The following BTRC variants were observed in gnomAD, a reference collection of about 807,000 sequenced individuals.
The protein encoded by BTRC is F-box/WD repeat-containing protein 1A.
A neutral mutation model predicts 85.5 loss-of-function variants in BTRC; 42 were observed. That is an observed-to-expected ratio of 0.49 (90% confidence interval 0.38 to 0.64). The LOEUF is 0.64. Ranked by LOEUF, BTRC falls within the 30% of genes least tolerant of loss-of-function variation. BTRC has a pLI of 0.00. For synonymous variants in BTRC, 255 were observed against 263.3 expected (o/e 0.97, Z 0.30); for missense variants, 594 against 743.5 (o/e 0.80, Z 2.34).
chr10:101,504,143 T>C (rs533594886), intron 4 of BTRC, among the ~76,000 whole-genome samples: 1 of 152,302 alleles, frequency 6.6e-6, no homozygotes, highest in Admixed American at 6.5e-5. Flanking sequence ...AATCTTAACA[T>C]AATTTGACAT....
At chr10:101,465,409 G>A (rs1945347811) in intron 3 of BTRC, among the ~76,000 whole-genome samples, 1 of 152,120 alleles carries the variant, frequency 6.6e-6, no homozygotes, top group Non-Finnish European at 1.5e-5. Flanking sequence ...TTAAATATTG[G>A]AGGAGCAAAC....
intron 4 of BTRC, among the ~76,000 whole-genome samples, chr10:101,483,592 CA>C (rs34105451): frequency 1.4e-5 from 2 of 144,484 alleles, no homozygotes; most frequent in Admixed American, 6.9e-5. Flanking sequence ...GACTCAGTCT[CA>C]AAAAAAAAAC....
chr10:101,468,458 T>C (rs917960868), intron 3 of BTRC, among the ~76,000 whole-genome samples: 1 of 152,120 alleles, frequency 6.6e-6, no homozygotes, highest in Non-Finnish European at 1.5e-5. Flanking sequence ...AAAAAAAATC[T>C]GCCCTAAAAA....
intron 1 of BTRC, among the ~76,000 whole-genome samples, chr10:101,385,564 C>G (rs928828721): frequency 5.3e-5 from 6 of 114,084 alleles, no homozygotes; most frequent in Non-Finnish European, 1.1e-4. Context: ...TAATTCAAGG[C>G]TTTTTTTTTT....
chr10:101,466,490 A>G (rs547822337), intron 3 of BTRC, among the ~76,000 whole-genome samples: 5 of 152,118 alleles, frequency 3.3e-5, no homozygotes, highest in South Asian at 2.1e-4. Flanking sequence ...AGGGCATTAC[A>G]TTTTCCTCCC....
At chr10:101,481,715 T>G (rs1056232488) in intron 4 of BTRC, among the ~76,000 whole-genome samples, 11 of 152,222 alleles carry the variant, frequency 7.2e-5, no homozygotes, top group Admixed American at 3.3e-4. Flanking sequence ...TCAGTGTGTT[T>G]CACTTGCTCC....
chr10:101,530,986 A>G lies in BTRC; in HGVS notation c.744-251A>G, dbSNP rs1193838816. On this transcript the variant is annotated intron_variant, in intron 6 of 14. Transcript: ENST00000370187. The stretch of plus-strand genomic sequence containing the variant: ...CCAGGAGTTCAAGACCAGCCTGACC[A>G]ACATGGTGAAACCCCATCTCTACTA... Among the ~76,000 whole-genome samples the G allele has an allele frequency of 2.6e-5, 4 of 152,328 alleles. No individual in the cohort carries two copies. In the East Asian group the frequency reaches 7.7e-4, roughly 29 times the overall value.
intron 1 of BTRC, among the ~76,000 whole-genome samples, chr10:101,415,519 A>G (rs1253430886): frequency 1.6e-4 from 1 of 6,128 alleles, no homozygotes; most frequent in African/African-American, 2.0e-4. Context: ...ATGTTATGTT[A>G]TGTTATGTTA....
intron 13 of BTRC, among the ~76,000 whole-genome samples, chr10:101,543,020 G>C (rs866415249): frequency 6.6e-6 from 1 of 152,254 alleles, no homozygotes; most frequent in East Asian, 1.9e-4. Context: ...GGCATTACAG[G>C]CACCTGCCAC....
At chr10:101,396,323 C>T (rs1044647671) in intron 1 of BTRC, among the ~76,000 whole-genome samples, 5 of 150,124 alleles carry the variant, frequency 3.3e-5, no homozygotes, top group African/African-American at 1.2e-4. Context: ...TATAAATGCT[C>T]ATTTTATACT....
chr10:101,440,224 C>A lies in BTRC; in HGVS notation c.156+9772C>A, dbSNP rs576488999. ...TTTTCTATTATGTTTTAAATTACAT[C>A]TTTTTTTTCAAGCTATGAGTAGGAG... On this transcript the variant is annotated intron_variant, in intron 2 of 14. Transcript: ENST00000370187. Among the ~76,000 whole-genome samples, 317 of 151,598 alleles carry A rather than the reference C, an allele frequency of 2.1e-3. 1 individual carries two copies. Among genetic ancestry groups the A allele is most frequent in the Non-Finnish European group, 3.8e-3 (259 of 67,870 alleles).
chr10:101,378,471 A>G (rs1428338000), intron 1 of BTRC, among the ~76,000 whole-genome samples: 1 of 150,640 alleles, frequency 6.6e-6, no homozygotes, highest in African/African-American at 2.4e-5. Context: ...TCATGTCAGT[A>G]CTTTATTTGC....
chr10:101,387,528 C>CTGTTTTTTTTTTTTTTTTTTTT, intron 1 of BTRC, among the ~76,000 whole-genome samples: 1 of 45,092 alleles, frequency 2.2e-5, no homozygotes, highest in Admixed American at 2.7e-4. Flanking sequence ...CTTCATGGGA[C>CTGTTTTTTTTTTTTTTTTTTTT]TTTTTTTTTT....
chr10:101,393,790 A>G (rs1163283771), intron 1 of BTRC, among the ~76,000 whole-genome samples: 1 of 152,176 alleles, frequency 6.6e-6, no homozygotes, highest in Non-Finnish European at 1.5e-5. Context: ...TGGCATGTGC[A>G]CACCCTGCTT....
At chr10:101,371,684 T>G (rs1030052717) in intron 1 of BTRC, among the ~76,000 whole-genome samples, 5 of 152,240 alleles carry the variant, frequency 3.3e-5, no homozygotes, top group African/African-American at 1.2e-4. Context: ...AGCTTGTACG[T>G]TTTGACCTTT....
chr10:101,486,693 A>AT (rs1442259066), intron 4 of BTRC, among the ~76,000 whole-genome samples: 1 of 152,178 alleles, frequency 6.6e-6, no homozygotes, highest in Non-Finnish European at 1.5e-5. Context: ...TTTAGCTAAC[A>AT]TTTTTATAAA....
intron 1 of BTRC, among the ~76,000 whole-genome samples, chr10:101,405,900 ATG>A (rs1270330574): frequency 2.6e-5 from 4 of 152,192 alleles, no homozygotes; most frequent in Admixed American, 6.5e-5. Flanking sequence ...CTTGAAAAGA[ATG>A]TGTGTGTATA....
chr10:101,481,711 T>A (rs937765970), intron 4 of BTRC, among the ~76,000 whole-genome samples: 8 of 152,208 alleles, frequency 5.3e-5, no homozygotes, highest in Non-Finnish European at 1.2e-4. Flanking sequence ...CTCATCAGTG[T>A]GTTTCACTTG....
chr10:101,500,270 A>C (rs1204687336), intron 4 of BTRC, among the ~76,000 whole-genome samples: 2 of 152,182 alleles, frequency 1.3e-5, no homozygotes, highest in Non-Finnish European at 1.5e-5. Context: ...CCATGTCAGC[A>C]TACTGAATAC....
Sources: allele counts gnomAD v4.1 joint callset (sites outside exome capture counted in the v4.1 genomes callset), GRCh38; gene constraint gnomAD v4.1.1; transcripts MANE v1.5; gene names NCBI Gene and HGNC (gene_info 2026-07-23, HGNC 2026-07-21).